The following RYR1 variants were observed in gnomAD, a reference collection of about 807,000 sequenced individuals.
The protein encoded by RYR1 is ryanodine receptor 1.
In RYR1, 342 loss-of-function variants were observed where a neutral mutation model predicts 583.5. That is an observed-to-expected ratio of 0.59 (90% CI 0.54 to 0.64). The LOEUF is 0.64. RYR1 is among the 30% of genes least tolerant of loss of function. RYR1 has a pLI of 0.00. For synonymous variants in RYR1, 2,791 were observed against 2,822.5 expected (o/e 0.99, Z 0.35); for missense variants, 6,032 against 6,917.2 (o/e 0.87, Z 4.54).
In RYR1 at chr19:38,496,694, A is replaced by G. The variant is rs1969845375; in HGVS notation, c.6796+153A>G. Among the ~76,000 whole-genome samples, 1 of 152,158 alleles carries G rather than the reference A, an allele frequency of 6.6e-6. No individual in the cohort carries two copies. Among genetic ancestry groups the G allele is most frequent in the Non-Finnish European group, 1.5e-5 (1 of 68,020 alleles). On this transcript the variant is annotated intron_variant, in intron 41 of 105. Transcript: ENST00000359596. This position sits in a 1 kb window ranked among gnomAD's most constrained non-coding sequence, Gnocchi z 4.8. ...TAATGAGTAATGCTGGGGACACAAT[A>G]GTGACCCCAATAGTGACAGCCCAGA...
chr19:38,557,897 T>C (rs1202158291), intron 89 of RYR1, among the ~76,000 whole-genome samples: 1 of 151,856 alleles, frequency 6.6e-6, no homozygotes, highest in Admixed American at 6.6e-5. Context: ...GGAGAATCGC[T>C]TGAACCCGGG....
rs1968120992 is a variant in RYR1 at position 38,466,550 on chromosome 19, G to T, written c.3178+152G>T. On this transcript the variant is annotated intron_variant, in intron 24 of 105. Coordinates refer to ENST00000359596, the MANE Select transcript of RYR1 (RefSeq NM_000540.3). ...GACGGAGTCTCGCTGTCCCCAGGCT[G>T]GAGTGCAATGGCGCGATCTCTGCTC... 8 of 768,218 alleles carry T rather than the reference G, an allele frequency of 1.0e-5. 1 individual carries two copies. The South Asian group carries it at 1.3e-4, about 12-fold the overall frequency. 47.6% of individuals were successfully genotyped at this position (768,218 alleles called of 1,614,324 possible).
chr19:38,494,738 GTCTCTCGA>G, intron 39 of RYR1, 113 bp downstream of exon 39: 2 of 1,338,752 alleles, frequency 1.5e-6, no homozygotes, highest in Non-Finnish European at 1.1e-6. Flanking sequence ...GGTGATCTCA[GTCTCTCGA>G]TGGCTAGCTC....
intron 89 of RYR1, among the ~76,000 whole-genome samples, chr19:38,553,090 T>G (rs1453596886): frequency 6.6e-6 from 1 of 152,160 alleles, no homozygotes; most frequent in Non-Finnish European, 1.5e-5. Context: ...CTCAACACTT[T>G]GGGAGGCCAA....
At chr19:38,586,636 A>C (rs376076853) in intron 105 of RYR1, 60 bp downstream of exon 105, 26 of 1,492,666 alleles carry the variant, frequency 1.7e-5, no homozygotes, top group Middle Eastern at 3.4e-4. Flanking sequence ...ACATAAGGCC[A>C]GTCAGTAGGT....
Position 38,469,393 on chromosome 19 carries a change from C to A in RYR1, c.3645C>A (p.Ile1215=). 1 of 1,614,158 alleles carries A rather than the reference C, an allele frequency of 6.2e-7. No individual in the cohort carries two copies. The highest frequency in any genetic ancestry group is 8.5e-7 in the Non-Finnish European group (1 of 1,180,036). Residue 1215 remains isoleucine (I), a synonymous_variant, in exon 27 of 106, where the codon ATC becomes ATA. Transcript: ENST00000359596. Reference sequence around the variant, plus strand: ...TGAGCTCTCTGAGGTTCTTTGCCATCTGTGGCCTCCAGGAAGGCTTCGAGC... The same window carrying A: ...TGAGCTCTCTGAGGTTCTTTGCCATATGTGGCCTCCAGGAAGGCTTCGAGC... The part of the protein sequence containing the change: ...QDVSSLRFFA[I]CGLQEGFEPF...
rs771323260 is a variant in RYR1 at position 38,532,429 on chromosome 19, C to T, written c.11142-61C>T. The T allele has an allele frequency of 9.5e-5, 148 of 1,561,898 alleles. 1 individual carries two copies. In the South Asian group the frequency reaches 1.6e-3, roughly 17 times the overall value. On this transcript the variant is annotated intron_variant, in intron 76 of 105. Coordinates refer to ENST00000359596, the MANE Select transcript of RYR1 (RefSeq NM_000540.3). ...TGAGCCACCGCACCCTGCCCAGAAG[C>T]TCTTATAAGATGGGGGTCCTCTCCA...
At position 38,473,522 on chromosome 19, in the gene RYR1, C is replaced by T. The variant is rs1440403556; in HGVS notation, c.3911C>T (p.Ala1304Val). Residue 1304 changes from alanine (A) to valine (V), a missense_variant, in exon 28 of 106, where the codon GCA becomes GTA. Ala to Val is a moderately conservative substitution (Grantham distance 64, BLOSUM62 0). Transcript: ENST00000359596. ...VQFHQHFRCT[A>V]GATPLAPPGL... ...TTCCACCAGCACTTCCGCTGCACTG[C>T]AGGGGCCACCCCGCTGGCACCTCCT... The T allele has an allele frequency of 6.2e-7, 1 of 1,612,590 alleles. No individual in the cohort carries two copies. The highest frequency in any genetic ancestry group is 8.5e-7 in the Non-Finnish European group (1 of 1,179,546).
intron 20 of RYR1, among the ~76,000 whole-genome samples, chr19:38,462,891 CTT>C (rs553168266): frequency 1.3e-5 from 1 of 78,750 alleles, no homozygotes; most frequent in Admixed American, 1.8e-4. Flanking sequence ...ACTCTCTCTT[CTT>C]TTTTTTTTTT....
chr19:38,569,967 C>A (rs1391721164), intron 93 of RYR1, among the ~76,000 whole-genome samples: 1 of 152,088 alleles, frequency 6.6e-6, no homozygotes, highest in African/African-American at 2.4e-5. Flanking sequence ...AGTTTGAGAC[C>A]AGCCTGACCA....
chr19:38,569,253 C>T (rs1397931212), intron 93 of RYR1, among the ~76,000 whole-genome samples: 4 of 152,090 alleles, frequency 2.6e-5, no homozygotes, highest in African/African-American at 7.2e-5. Flanking sequence ...GTGATCCACC[C>T]GCCTTGGCCT....
chr19:38,543,849 G>A lies in RYR1; in HGVS notation c.11986G>A (p.Ala3996Thr). Residue 3996 changes from alanine to threonine, a missense_variant, in exon 87 of 106, where the codon GCC (alanine) becomes ACC (threonine). Ala to Thr is a moderately conservative substitution (Grantham distance 58). Around this residue, in one of 11 missense-constraint regions of RYR1, gnomAD observed 82 missense variants for 139.7 expected, o/e 0.59. Transcript: ENST00000359596. The surrounding 1 kb of genome is among the most constrained non-coding windows in gnomAD (Gnocchi z 4.4). ...AGTGGTGGGATTCCTGCACGTGTTCGCCCACATGATGATGAAGCTCGCTCA... is the reference window on the plus strand; with the variant it reads ...AGTGGTGGGATTCCTGCACGTGTTCACCCACATGATGATGAAGCTCGCTCA... ...DAVVGFLHVF[A>T]HMMMKLAQDS... 1 of 1,613,722 alleles carries A rather than the reference G, an allele frequency of 6.2e-7. No individual in the cohort carries two copies. The highest frequency in any genetic ancestry group is 8.5e-7 in the Non-Finnish European group (1 of 1,180,012).
At chr19:38,546,221 C>T (rs1025590844) in intron 87 of RYR1, among the ~76,000 whole-genome samples, 1 of 152,134 alleles carries the variant, frequency 6.6e-6, no homozygotes, top group African/African-American at 2.4e-5. Context: ...TCCCACTACC[C>T]ATCACCTATC....
In RYR1 at chr19:38,502,672, T is replaced by C. The variant is rs1304509927; in HGVS notation, c.7780T>C (p.Ser2594Pro). 5.0e-6 allele frequency: 8 copies of C among 1,609,576 alleles called. No individual in the cohort carries two copies. The highest frequency in any genetic ancestry group is 1.3e-5 in the African/African-American group (1 of 74,488). ...CGTGTACCGCCTGTCTCGGGGTCGTTCGCTCACCAAGGCGCAGCGTGACGT... is the reference window on the plus strand; with the variant it reads ...CGTGTACCGCCTGTCTCGGGGTCGTCCGCTCACCAAGGCGCAGCGTGACGT... ...HTVYRLSRGRSLTKAQRDVIE... is the reference protein window; with the variant it reads ...HTVYRLSRGRPLTKAQRDVIE... The change falls in exon 48 of 106, where the codon TCG becomes CCG. Residue 2594 changes from serine (S) to proline (P), a missense_variant. Physicochemically the swap from Ser to Pro is moderately conservative, Grantham distance 74. Transcript: ENST00000359596.
chr19:38,550,553 C>G (rs1972620914), intron 89 of RYR1, among the ~76,000 whole-genome samples: 1 of 151,992 alleles, frequency 6.6e-6, no homozygotes, highest in South Asian at 2.1e-4. Context: ...CTCTATTGCC[C>G]CGGCTGGAGT....
At chr19:38,510,102 C>T (rs1167591184) in intron 58 of RYR1, among the ~76,000 whole-genome samples, 3 of 152,038 alleles carry the variant, frequency 2.0e-5, no homozygotes, top group Non-Finnish European at 4.4e-5. Flanking sequence ...GGGTGGATCA[C>T]CTGAGGTCAG....
intron 67 of RYR1, 74 bp from the exon 68 acceptor site, chr19:38,522,954 C>T: frequency 8.1e-7 from 1 of 1,227,456 alleles, no homozygotes; most frequent in Non-Finnish European, 1.2e-6. Context: ...TCTCCTCCTC[C>T]AAGATCTCTC....
intron 29 of RYR1, 81 bp downstream of exon 29, chr19:38,475,531 C>T: frequency 6.4e-7 from 1 of 1,559,210 alleles, no homozygotes; most frequent in Non-Finnish European, 8.8e-7. Flanking sequence ...GTGTGACAGT[C>T]CCCAGTAGCT....
At chr19:38,522,910 C>G in intron 67 of RYR1, 118 bp from the exon 68 acceptor site, 1 of 842,148 alleles carries the variant, frequency 1.2e-6, no homozygotes, top group South Asian at 1.5e-5. Context: ...CCCTAGAAAC[C>G]CCATCCCTCT....
Sources: gnomAD v4.1 joint callset for allele counts (sites outside exome capture counted in the v4.1 genomes callset) on GRCh38, gnomAD v4.1.1 for gene constraint, gnomAD v4.1.1 regional missense constraint, Gnocchi (gnomAD v3.1) non-coding constraint, MANE v1.5 for transcripts, NCBI Gene and HGNC (gene_info 2026-07-23, HGNC 2026-07-21) for gene names.